ZNRF3: variants seen among roughly 807,000 people sequenced by gnomAD.
ZNRF3 encodes the protein E3 ubiquitin-protein ligase ZNRF3.
ZNRF3 carries 23 observed loss-of-function variants against 72.5 expected under a neutral mutation model. The ratio of observed to expected loss-of-function variants is 0.32; its 90% CI spans 0.23 to 0.45. The LOEUF (loss-of-function observed/expected upper bound fraction) is 0.45, where lower values mean the gene tolerates loss of function less well. ZNRF3 is among the 20% of genes least tolerant of loss of function. The pLI is 1.00. For missense variants in ZNRF3, 1,169 were observed against 1,272.1 expected (o/e 0.92, Z 1.23); for synonymous variants, 610 against 545.3 (o/e 1.12, Z -1.65).
chr22:28,997,241 A>T (rs1246638439), intron 2 of ZNRF3, among the ~76,000 whole-genome samples: 1 of 152,110 alleles, frequency 6.6e-6, no homozygotes, highest in Non-Finnish European at 1.5e-5. Context: ...ACTATTGCTT[A>T]TTGCCATGGC....
intron 2 of ZNRF3, among the ~76,000 whole-genome samples, chr22:29,022,848 A>G (rs1196176102): frequency 3.9e-5 from 6 of 152,170 alleles, no homozygotes; most frequent in Non-Finnish European, 7.3e-5. Flanking sequence ...TTTATAGTCA[A>G]CTTCCCTGTA....
chr22:28,888,120 A>G (rs1009693054), intron 1 of ZNRF3, among the ~76,000 whole-genome samples: 7 of 152,184 alleles, frequency 4.6e-5, no homozygotes, highest in African/African-American at 1.7e-4. Flanking sequence ...AGCTGAGGAC[A>G]TTTAAGAACT....
At chr22:28,889,837 A>G (rs1178057707) in intron 1 of ZNRF3, among the ~76,000 whole-genome samples, 1 of 152,198 alleles carries the variant, frequency 6.6e-6, no homozygotes, top group African/African-American at 2.4e-5. Flanking sequence ...TTCATTGAAA[A>G]ATGAAACGGA....
At chr22:28,926,248 G>A in intron 1 of ZNRF3, among the ~76,000 whole-genome samples, 1 of 152,218 alleles carries the variant, frequency 6.6e-6, no homozygotes, top group East Asian at 1.9e-4. Context: ...GGGTGGAGGT[G>A]CTGCTGCAGA....
intron 2 of ZNRF3, among the ~76,000 whole-genome samples, chr22:29,002,794 G>A (rs1190529436): frequency 6.6e-6 from 1 of 152,212 alleles, no homozygotes; most frequent in African/African-American, 2.4e-5. Flanking sequence ...TGGAAGGTCT[G>A]ACTCCAGGCC....
Position 28,979,400 on chromosome 22 carries a change from A to G in ZNRF3, c.301-7676A>G, listed in dbSNP as rs372665066. Among the ~76,000 whole-genome samples, 10 of 152,158 alleles carry G rather than the reference A, an allele frequency of 6.6e-5. No homozygotes were observed. In the East Asian group the frequency reaches 1.3e-3, roughly 21 times the overall value. On this transcript the variant is annotated intron_variant, in intron 1 of 8. Transcript: ENST00000544604. ...TCTACTGTCCTTTCAAGGTGCTGTC[A>G]TGGTGAAGGGCACCAGTGTTGTGGT...
At chr22:28,917,392 C>T (rs1170508488) in intron 1 of ZNRF3, 2 of 985,254 alleles carry the variant, frequency 2.0e-6, no homozygotes, top group African/African-American at 3.5e-5. Flanking sequence ...CATCTGTGCA[C>T]AGAAGTTTGC....
chr22:28,959,529 C>T (rs2035320089), intron 1 of ZNRF3, among the ~76,000 whole-genome samples: 1 of 152,188 alleles, frequency 6.6e-6, no homozygotes, highest in Admixed American at 6.5e-5. Flanking sequence ...ACACAAGTGC[C>T]ATTTTTGTAA....
intron 1 of ZNRF3, among the ~76,000 whole-genome samples, chr22:28,920,687 G>A (rs1235410146): frequency 6.6e-6 from 1 of 152,182 alleles, no homozygotes; most frequent in African/African-American, 2.4e-5. Flanking sequence ...CAATAGCTAT[G>A]CTTTTTTCCC....
At chr22:29,040,864 C>T (rs1569292593) in intron 2 of ZNRF3, among the ~76,000 whole-genome samples, 1 of 152,158 alleles carries the variant, frequency 6.6e-6, no homozygotes, top group African/African-American at 2.4e-5. Context: ...GGTGAGACTG[C>T]CCTCTAGTGG....
Position 29,050,045 on chromosome 22 carries a change from C to A in ZNRF3, c.1864C>A (p.Leu622Met), listed in dbSNP as rs1241173495. The stretch of plus-strand genomic sequence containing the variant: ...GGGCAGCTCGGGCCGGGGACCTGCC[C>A]TGTGCTTCGAGGGCTCCCCGCCTCC... Reference protein sequence around the residue: ...GSGSSGRGPALCFEGSPPPEE... With the variant: ...GSGSSGRGPAMCFEGSPPPEE... Residue 622 changes from leucine (L) to methionine (M), a missense_variant, in exon 8 of 9, where the codon CTG becomes ATG. Transcript: ENST00000544604. 1.2e-6 allele frequency: 2 copies of A among 1,609,028 alleles called. No homozygotes were observed. Among genetic ancestry groups the A allele is most frequent in the South Asian group, 2.2e-5 (2 of 90,608 alleles).
intron 2 of ZNRF3, among the ~76,000 whole-genome samples, chr22:29,035,480 A>G (rs1267566745): frequency 6.6e-6 from 1 of 152,268 alleles, no homozygotes; most frequent in Non-Finnish European, 1.5e-5. Context: ...ATTTTTCCAC[A>G]TCAATGCATA....
At chr22:29,039,196 T>C (rs922798843) in intron 2 of ZNRF3, among the ~76,000 whole-genome samples, 2 of 152,208 alleles carry the variant, frequency 1.3e-5, no homozygotes, top group Non-Finnish European at 2.9e-5. Flanking sequence ...CTCTGAGTCC[T>C]TGAGACCTCC....
intron 2 of ZNRF3, among the ~76,000 whole-genome samples, chr22:29,032,172 G>GC: frequency 6.6e-6 from 1 of 152,298 alleles, no homozygotes; most frequent in East Asian, 1.9e-4. Context: ...GAAAGGCAAG[G>GC]CCCCCTAGTG....
intron 1 of ZNRF3, among the ~76,000 whole-genome samples, chr22:28,891,230 ACCCAGGATTAATATTTGGGTCCCCTGACT>A (rs1003361972): frequency 2.0e-5 from 3 of 152,170 alleles, no homozygotes; most frequent in Non-Finnish European, 4.4e-5. Flanking sequence ...GGTAGAGATG[ACCCAGGATTAATATTTGGGTCCCCTGACT>A]CCCAGGCTTG....
In ZNRF3 at chr22:29,049,478, T is replaced by G; in HGVS notation, c.1297T>G (p.Cys433Gly). The G allele has an allele frequency of 1.9e-6, 3 of 1,604,726 alleles. No individual in the cohort carries two copies. Among genetic ancestry groups the G allele is most frequent in the Non-Finnish European group, 2.5e-6 (3 of 1,179,662 alleles). The change falls in exon 8 of 9, where the codon TGC (cysteine) becomes GGC (glycine). Residue 433 changes from cysteine to glycine, a missense_variant. Transcript: ENST00000544604. This position sits in a 1 kb window ranked among gnomAD's most constrained non-coding sequence, Gnocchi z 5.2. ...GGACCACAGCCTGGCCGCTCACCGC[T>G]GCGGCCTGGAGCACCGGGCCTACTC... is the stretch of plus-strand genomic sequence containing the variant. ...HLDHSLAAHR[C>G]GLEHRAYSPA...
intron 1 of ZNRF3, among the ~76,000 whole-genome samples, chr22:28,885,140 C>A (rs1035594037): frequency 2.4e-4 from 36 of 152,120 alleles, no homozygotes; most frequent in Non-Finnish European, 5.1e-4. Context: ...GAAGGGGACT[C>A]CATGGAATGA....
chr22:28,928,924 A>G (rs899460602), intron 1 of ZNRF3, among the ~76,000 whole-genome samples: 3 of 152,240 alleles, frequency 2.0e-5, no homozygotes, highest in Admixed American at 1.3e-4. Flanking sequence ...AAGAGGCAAA[A>G]GACAAGGAAA....
Position 28,986,710 on chromosome 22 carries a change from G to A in ZNRF3, c.301-366G>A, listed in dbSNP as rs186653830. The A allele has an allele frequency of 8.2e-5, 74 of 903,994 alleles. No homozygotes were observed. The African/African-American group carries it at 1.1e-3, about 14-fold the overall frequency. The allele number at this position is 903,994 out of a possible 1,614,324, so 56.0% of individuals were successfully genotyped here. ...CTTGGATACTAACATAGCTAGTCTC[G>A]TCTGTAATTGCTACTTAGTGTTAAA... On this transcript the variant is annotated intron_variant, in intron 1 of 8. Transcript: ENST00000544604.
Sources: gnomAD v4.1 joint callset for allele counts (sites outside exome capture counted in the v4.1 genomes callset) on GRCh38, gnomAD v4.1.1 for gene constraint, Gnocchi (gnomAD v3.1) non-coding constraint, MANE v1.5 for transcripts, NCBI Gene and HGNC (gene_info 2026-07-23, HGNC 2026-07-21) for gene names.